The following CDC37L1 variants were observed in gnomAD, a reference collection of about 807,000 sequenced individuals.
The protein encoded by CDC37L1 is hsp90 co-chaperone Cdc37-like 1.
CDC37L1 carries 32 observed loss-of-function variants against 45.9 expected under a neutral mutation model. The observed-to-expected ratio is 0.70, with a 90% CI of 0.53 to 0.94. CDC37L1 has a LOEUF of 0.94. Among genes scored for constraint, CDC37L1 ranks in the 40% least tolerant of loss-of-function variants. The pLI is 0.00. For missense variants in CDC37L1, 434 were observed against 405.7 expected (o/e 1.07, Z -0.60); for synonymous variants, 150 against 133.0 (o/e 1.13, Z -0.88).
chr9:4,679,914 G>A lies in CDC37L1; in HGVS notation c.132+15G>A. The A allele has an allele frequency of 6.2e-7, 1 of 1,613,332 alleles. No individual in the cohort carries two copies. Among genetic ancestry groups the A allele is most frequent in the Non-Finnish European group, 8.5e-7 (1 of 1,179,812 alleles). ...GCGGCGCCCAGGTGAGAAGGGGCCT[G>A]CGTTCTGCGGAGGGATGGAGTGGTG... On this transcript the variant is annotated intron_variant, in intron 1 of 6. Coordinates refer to ENST00000381854, the MANE Select transcript of CDC37L1 (RefSeq NM_017913.4).
chr9:4,679,968 C>G (rs1392424830), intron 1 of CDC37L1, 69 bp downstream of exon 1: 17 of 1,571,222 alleles, frequency 1.1e-5, no homozygotes, highest in Non-Finnish European at 1.1e-5. Context: ...AATGCCGCGT[C>G]TCCCAGACCC....
intron 1 of CDC37L1, among the ~76,000 whole-genome samples, chr9:4,681,602 T>G (rs190258274): frequency 3.6e-4 from 55 of 152,248 alleles, no homozygotes; most frequent in Middle Eastern, 3.4e-3. Context: ...CACCATTGCA[T>G]TCCAGCCTGG....
At chr9:4,683,024 ATT>A (rs1491338405) in intron 1 of CDC37L1, among the ~76,000 whole-genome samples, 2 of 142,848 alleles carry the variant, frequency 1.4e-5, no homozygotes, top group Non-Finnish European at 3.0e-5. Flanking sequence ...TTAAATATAT[ATT>A]ATATTTATAT....
rs1841452148 is a variant in CDC37L1 at position 4,707,193 on chromosome 9, G to T, written c.*1081G>T. The stretch of plus-strand genomic sequence containing the variant: ...CCCCTTTTTCAGCTCAGTTACCATA[G>T]AATACTTCCAAGCTTTACTACTTCC... On this transcript the variant is annotated 3_prime_UTR_variant, in exon 7 of 7. Transcript: ENST00000381854. 6.6e-6 allele frequency: 1 copy of T among 151,850 alleles called. No individual in the cohort carries two copies. Among genetic ancestry groups the T allele is most frequent in the Admixed American group, 6.6e-5 (1 of 15,226 alleles). 9.4% of individuals were successfully genotyped at this position (151,850 alleles called of 1,614,324 possible).
chr9:4,698,679 G>C (rs1434724595), intron 5 of CDC37L1, among the ~76,000 whole-genome samples: 2 of 152,166 alleles, frequency 1.3e-5, no homozygotes, highest in African/African-American at 2.4e-5. Context: ...GCATCCTAGA[G>C]AGTAGATTCT....
chr9:4,697,964 C>A, intron 5 of CDC37L1, 85 bp downstream of exon 5: 2 of 1,260,252 alleles, frequency 1.6e-6, no homozygotes, highest in Non-Finnish European at 2.2e-6. Flanking sequence ...TAGAAGGCAT[C>A]CAAGCAGGAT....
intron 1 of CDC37L1, 71 bp from the exon 2 acceptor site, chr9:4,684,806 A>T: frequency 8.8e-7 from 1 of 1,131,084 alleles, no homozygotes; most frequent in Non-Finnish European, 1.3e-6. Flanking sequence ...CTTTGAATTA[A>T]GAAAAATTGA....
chr9:4,689,193 A>G (rs1841278744), intron 3 of CDC37L1, among the ~76,000 whole-genome samples: 1 of 152,158 alleles, frequency 6.6e-6, no homozygotes, highest in African/African-American at 2.4e-5. Flanking sequence ...TGTATAAGGG[A>G]GGCAAGCCAA....
intron 1 of CDC37L1, 133 bp downstream of exon 1, chr9:4,680,032 A>C: frequency 8.5e-7 from 1 of 1,170,334 alleles, no homozygotes. Context: ...GGGACCTGGG[A>C]CCTGACGCCT....
chr9:4,698,041 T>G (rs1307766463), intron 5 of CDC37L1, among the ~76,000 whole-genome samples, 162 bp downstream of exon 5: 6 of 152,156 alleles, frequency 3.9e-5, no homozygotes, highest in Non-Finnish European at 8.8e-5. Flanking sequence ...TCTTGCTAAT[T>G]TAAACTTAAA....
intron 3 of CDC37L1, among the ~76,000 whole-genome samples, chr9:4,690,004 T>A (rs1218384354): frequency 1.3e-5 from 2 of 152,244 alleles, no homozygotes. Context: ...TCACTTTTGC[T>A]GTAAGCTGAG....
intron 1 of CDC37L1, among the ~76,000 whole-genome samples, chr9:4,683,231 A>C (rs937789254): frequency 6.6e-6 from 1 of 151,282 alleles, no homozygotes; most frequent in Non-Finnish European, 1.5e-5. Flanking sequence ...TCTGAATAGC[A>C]AGTGTCCACA....
At chr9:4,685,425 A>C in intron 2 of CDC37L1, 1 of 296,736 alleles carries the variant, frequency 3.4e-6, no homozygotes, top group Non-Finnish European at 6.4e-6. Flanking sequence ...ATATTAAAAA[A>C]CATTCACAAG....
chr9:4,699,944 T>C (rs1841382013), intron 5 of CDC37L1, among the ~76,000 whole-genome samples: 2 of 152,144 alleles, frequency 1.3e-5, no homozygotes, highest in African/African-American at 4.8e-5. Flanking sequence ...CCGTTTTCTT[T>C]TTCATGTACT....
chr9:4,688,452 T>G (rs1269029038), intron 2 of CDC37L1, 61 bp from the exon 3 acceptor site: 1 of 923,656 alleles, frequency 1.1e-6, no homozygotes, highest in East Asian at 2.9e-5. Context: ...ATTCAGTATC[T>G]GAGAAAGAAG....
At chr9:4,684,005 GCCAGGCGCAGTGGCTCATGCCTGTAATC>G (rs1483072522) in intron 1 of CDC37L1, among the ~76,000 whole-genome samples, 1 of 152,212 alleles carries the variant, frequency 6.6e-6, no homozygotes, top group Non-Finnish European at 1.5e-5. Context: ...TAACTTTGTG[GCCAGGCGCAGTGGCTCATGCCTGTAATC>G]CCAGCACTTT....
rs139826442 is a variant in CDC37L1 at position 4,704,554 on chromosome 9, C to G, written c.913-1457C>G. ...GCCAATTCTGTTATTAAAAGTTGTG[C>G]CATGGAAAACTGGAGCCCAGTCTTA... On this transcript the variant is annotated intron_variant, in intron 6 of 6. Coordinates refer to ENST00000381854, the MANE Select transcript of CDC37L1 (RefSeq NM_017913.4). 4.7e-4 allele frequency among the ~76,000 whole-genome samples: 72 copies of G among 152,188 alleles called. 2 individuals carry two copies. In the East Asian group the frequency reaches 0.013, roughly 28 times the overall value.
At chr9:4,703,267 T>A in intron 6 of CDC37L1, 1 of 496,476 alleles carries the variant, frequency 2.0e-6, no homozygotes, top group Non-Finnish European at 3.2e-6. Flanking sequence ...ACCATTCCAA[T>A]TACATGTATG....
At chr9:4,701,370 G>A (rs1841394558) in intron 5 of CDC37L1, among the ~76,000 whole-genome samples, 1 of 152,256 alleles carries the variant, frequency 6.6e-6, no homozygotes, top group Admixed American at 6.5e-5. Flanking sequence ...ATTCTATTTG[G>A]TTTTCGTAGC....
Sources: allele counts gnomAD v4.1 joint callset (sites outside exome capture counted in the v4.1 genomes callset), GRCh38; gene constraint gnomAD v4.1.1; transcripts MANE v1.5; gene names NCBI Gene and HGNC (gene_info 2026-07-23, HGNC 2026-07-21).